The following FIP1L1 variants were observed in gnomAD, a reference collection of about 807,000 sequenced individuals.
FIP1L1 encodes the protein pre-mRNA 3'-end-processing factor FIP1.
FIP1L1 carries 21 observed loss-of-function variants against 84.6 expected under a neutral mutation model. The observed-to-expected ratio is 0.25, with a 90% CI of 0.18 to 0.36. The LOEUF (loss-of-function observed/expected upper bound fraction) is 0.36, where lower values mean the gene tolerates loss of function less well. Among genes scored for constraint, FIP1L1 ranks in the 10% least tolerant of loss-of-function variants. The pLI, the probability that FIP1L1 is intolerant of heterozygous loss-of-function variation, is 1.00. For missense variants in FIP1L1, 526 were observed against 751.1 expected, an observed-to-expected ratio of 0.70 and a Z score of 3.50; for synonymous variants, 263 against 242.3, an observed-to-expected ratio of 1.09 and a Z score of -0.80.
At chr4:53,446,932 GACA>G (rs1774443603) in intron 15 of FIP1L1, among the ~76,000 whole-genome samples, 1 of 152,036 alleles carries the variant, frequency 6.6e-6, no homozygotes, top group African/African-American at 2.4e-5. Context: ...TTCTCTCAGA[GACA>G]AGGTTTTTTG....
intron 5 of FIP1L1, 121 bp from the exon 6 acceptor site, chr4:53,389,688 G>T: frequency 1.4e-6 from 1 of 699,796 alleles, no homozygotes; most frequent in East Asian, 2.9e-5. Context: ...GAAATAAAAT[G>T]TGTGTCACAC....
At chr4:53,436,619 A>T (rs972269911) in intron 13 of FIP1L1, among the ~76,000 whole-genome samples, 11 of 152,198 alleles carry the variant, frequency 7.2e-5, no homozygotes, top group Admixed American at 3.9e-4. Context: ...GACAGGGATC[A>T]TTGAGAGCCA....
intron 13 of FIP1L1, among the ~76,000 whole-genome samples, chr4:53,436,842 G>C (rs1257205870): frequency 6.8e-6 from 1 of 148,124 alleles, no homozygotes; most frequent in South Asian, 2.2e-4. Context: ...CTCCAAAATA[G>C]GATTTCAGGT....
chr4:53,411,799 G>C (rs889852431), intron 10 of FIP1L1, among the ~76,000 whole-genome samples: 38 of 152,132 alleles, frequency 2.5e-4, no homozygotes, highest in Non-Finnish European at 4.4e-4. Context: ...AATTGGCACT[G>C]TTAAGTAAAA....
chr4:53,399,862 A>C, intron 10 of FIP1L1, 23 bp downstream of exon 10: 2 of 1,431,576 alleles, frequency 1.4e-6, no homozygotes, highest in Non-Finnish European at 9.8e-7. Flanking sequence ...GTTATAACTC[A>C]ATTACTGTAC....
At chr4:53,450,949 TTA>T (rs1715470486) in intron 15 of FIP1L1, among the ~76,000 whole-genome samples, 1 of 152,062 alleles carries the variant, frequency 6.6e-6, no homozygotes, top group African/African-American at 2.4e-5. Context: ...TGTTGTGTCA[TTA>T]ATAAAGCTAC....
chr4:53,425,921 C>A lies in FIP1L1; in HGVS notation c.973C>A (p.Arg325=). Residue 325 remains arginine, a synonymous_variant, in exon 12 of 18, where the codon CGA becomes AGA. Transcript: ENST00000337488. ...DVIGQTITIS[R]VEGRRRANEN... is the part of the protein sequence containing the mutation. ...TATCGGTCAGACTATAACTATCAGC[C>A]GAGTAGAAGGCAGGCGACGGGCAAA... The A allele has an allele frequency of 6.2e-7, 1 of 1,611,834 alleles. No homozygotes were observed. The highest frequency in any genetic ancestry group is 8.5e-7 in the Non-Finnish European group (1 of 1,178,532).
chr4:53,449,326 A>T (rs989273055), intron 15 of FIP1L1, among the ~76,000 whole-genome samples: 8 of 152,046 alleles, frequency 5.3e-5, no homozygotes, highest in African/African-American at 1.9e-4. Flanking sequence ...GGCTTATAAA[A>T]CTATGAATAG....
chr4:53,450,172 A>G (rs576246515), intron 15 of FIP1L1, among the ~76,000 whole-genome samples: 11 of 152,156 alleles, frequency 7.2e-5, no homozygotes, highest in African/African-American at 2.2e-4. Flanking sequence ...TTTCTAATGT[A>G]GTATTTTAAG....
At chr4:53,453,958 G>A (rs977837400) in intron 16 of FIP1L1, among the ~76,000 whole-genome samples, 3 of 152,014 alleles carry the variant, frequency 2.0e-5, no homozygotes, top group Non-Finnish European at 4.4e-5. Flanking sequence ...TTTTACTTCT[G>A]TACCACTTCC....
At chr4:53,388,671 CCTT>C (rs888110265) in intron 5 of FIP1L1, among the ~76,000 whole-genome samples, 1 of 152,170 alleles carries the variant, frequency 6.6e-6, no homozygotes, top group Non-Finnish European at 1.5e-5. Context: ...GGGAGTTGGT[CCTT>C]CTTTGCCCAT....
chr4:53,390,893 A>T (rs1254704854), intron 7 of FIP1L1, 116 bp from the exon 8 acceptor site: 1 of 864,468 alleles, frequency 1.2e-6, no homozygotes, highest in Non-Finnish European at 1.7e-6. Context: ...ACCATAAATG[A>T]TAGAGTGATA....
intron 7 of FIP1L1, 70 bp downstream of exon 7, chr4:53,390,698 A>G (rs1180957404): frequency 1.1e-6 from 1 of 919,502 alleles, no homozygotes; most frequent in Non-Finnish European, 1.7e-6. Flanking sequence ...TTTTTTGAAC[A>G]TCAATTTAGA....
At chr4:53,404,528 G>A (rs1752136474) in intron 10 of FIP1L1, among the ~76,000 whole-genome samples, 1 of 151,982 alleles carries the variant, frequency 6.6e-6, no homozygotes, top group African/African-American at 2.4e-5. Context: ...TATATACCCA[G>A]TAATGGGATG....
At chr4:53,384,345 G>T (rs1739728660) in intron 5 of FIP1L1, among the ~76,000 whole-genome samples, 1 of 152,034 alleles carries the variant, frequency 6.6e-6, no homozygotes, top group Non-Finnish European at 1.5e-5. Context: ...GGAGGTGGAG[G>T]TTGCGGTGAA....
In FIP1L1 at chr4:53,425,751, G is replaced by A. The variant is rs1578773750; in HGVS notation, c.924-121G>A. 1.8e-5 allele frequency: 12 copies of A among 676,150 alleles called. No individual in the cohort carries two copies. In the East Asian group the frequency reaches 3.2e-4, roughly 18 times the overall value. The allele number at this position is 676,150 out of a possible 1,614,324, so 41.9% of individuals were successfully genotyped here. A position where few individuals can be genotyped will look rare whatever the true frequency, so the allele number is the denominator to read the frequency against. On this transcript the variant is annotated intron_variant, in intron 11 of 17. Transcript: ENST00000337488. ...TCAGGGATATTTTTCAATGTGTATT[G>A]TGATCTGGTTTTATTTTAAAATTTA... is the stretch of plus-strand genomic sequence containing the variant.
rs1014056 is a variant in FIP1L1 at position 53,459,823 on chromosome 4, T to A, written c.*374T>A. 4 of 265,886 alleles carry A rather than the reference T, an allele frequency of 1.5e-5. No individual in the cohort carries two copies. Among genetic ancestry groups the A allele is most frequent in the African/African-American group, 6.6e-5 (3 of 45,322 alleles). The allele number at this position is 265,886 out of a possible 1,614,324, so 16.5% of individuals were successfully genotyped here. ...AACACCACTCTCTTAAGAGGCTGCA[T>A]CACAAAAGGCAACAAAGGGCCCCTC... On this transcript the variant is annotated 3_prime_UTR_variant, in exon 18 of 18. Coordinates refer to ENST00000337488, the MANE Select transcript of FIP1L1 (RefSeq NM_030917.4).
At chr4:53,439,427 A>G (rs773118418) in intron 13 of FIP1L1, among the ~76,000 whole-genome samples, 1 of 152,022 alleles carries the variant, frequency 6.6e-6, no homozygotes, top group Non-Finnish European at 1.5e-5. Flanking sequence ...TTTTAAGGCC[A>G]TTTGCTACCT....
chr4:53,399,600 A>T, intron 9 of FIP1L1, 130 bp from the exon 10 acceptor site: 1 of 619,102 alleles, frequency 1.6e-6, no homozygotes, highest in Non-Finnish European at 2.8e-6. Context: ...ATTTTAATAA[A>T]TATTCAGCAA....
Sources: gnomAD v4.1 joint callset for allele counts (sites outside exome capture counted in the v4.1 genomes callset) on GRCh38, gnomAD v4.1.1 for gene constraint, MANE v1.5 for transcripts, NCBI Gene and HGNC (gene_info 2026-07-23, HGNC 2026-07-21) for gene names.